PACRG: variants seen among roughly 807,000 people sequenced by gnomAD.
PACRG encodes parkin coregulated gene protein.
In PACRG, 29 loss-of-function variants were observed where a neutral mutation model predicts 29.7. That is an observed-to-expected ratio of 0.98 (90% CI 0.73 to 1.33). The LOEUF is 1.33. Among genes scored for constraint, PACRG ranks in the 40% most tolerant of loss-of-function variants. The pLI, the probability that PACRG is intolerant of heterozygous loss-of-function variation, is 0.00. For missense variants in PACRG, 279 were observed against 316.2 expected (o/e 0.88, Z 0.89); for synonymous variants, 116 against 118.7 (o/e 0.98, Z 0.15).
At chr6:162,842,803 A>G (rs1454660946) in intron 2 of PACRG, among the ~76,000 whole-genome samples, 1 of 121,464 alleles carries the variant, frequency 8.2e-6, no homozygotes. Flanking sequence ...TGGTGACAAA[A>G]TCTCTCAGCA....
Position 163,125,527 on chromosome 6 carries a change from TA to T in PACRG, c.613+36120del, listed in dbSNP as rs1816480818. 3.3e-5 allele frequency among the ~76,000 whole-genome samples: 5 copies of T among 152,286 alleles called. 1 individual carries two copies. The South Asian group carries it at 1.0e-3, about 32-fold the overall frequency. On this transcript the variant is annotated intron_variant, in intron 4 of 4. Transcript: ENST00000366888. Reference sequence around the variant, plus strand: ...ACAGTAAAGGCTTAATGCCCAGACCTATGAAAGACCCCTAAATAGCTATAAG... The same window carrying T: ...ACAGTAAAGGCTTAATGCCCAGACCTTGAAAGACCCCTAAATAGCTATAAG...
intron 4 of PACRG, among the ~76,000 whole-genome samples, chr6:163,203,132 G>A (rs1276870876): frequency 6.6e-6 from 1 of 152,068 alleles, no homozygotes; most frequent in Non-Finnish European, 1.5e-5. Context: ...CAGGCACGGC[G>A]GCTCACACCT....
chr6:163,283,193 T>C lies in PACRG; in HGVS notation c.614-31634T>C, dbSNP rs573357439. Among the ~76,000 whole-genome samples, 4 of 152,364 alleles carry C rather than the reference T, an allele frequency of 2.6e-5. No homozygotes were observed. In the East Asian group the frequency reaches 7.7e-4, roughly 29 times the overall value. ...TTTATAAATGTGGGTGATGTGAATG[T>C]AAAGAGACAGACATGACCTTTCCTG... is the stretch of plus-strand genomic sequence containing the variant. On this transcript the variant is annotated intron_variant, in intron 4 of 4. Coordinates refer to ENST00000366888, the MANE Select transcript of PACRG (RefSeq NM_001080379.2).
chr6:162,953,278 ATTAT>A (rs1799790403), intron 2 of PACRG, among the ~76,000 whole-genome samples: 1 of 152,168 alleles, frequency 6.6e-6, no homozygotes, highest in African/African-American at 2.4e-5. Flanking sequence ...AGCAATCTGT[ATTAT>A]TTAATATTTT....
chr6:163,022,061 G>C (rs950188380), intron 2 of PACRG, among the ~76,000 whole-genome samples: 14 of 152,178 alleles, frequency 9.2e-5, no homozygotes, highest in African/African-American at 3.4e-4. Context: ...GTGGTCTTCG[G>C]CCACACACAT....
At chr6:162,837,908 T>C (rs943232580) in intron 2 of PACRG, among the ~76,000 whole-genome samples, 12 of 152,128 alleles carry the variant, frequency 7.9e-5, no homozygotes, top group Admixed American at 6.6e-5. Context: ...AAATAAATTA[T>C]AGGTGATTTT....
chr6:162,815,789 G>C (rs189190555), intron 2 of PACRG, among the ~76,000 whole-genome samples: 386 of 152,140 alleles, frequency 2.5e-3, no homozygotes, highest in Non-Finnish European at 4.2e-3. Flanking sequence ...GCCTGTCTAT[G>C]TACTGGCTCA....
rs375503023 is a variant in PACRG at position 162,803,196 on chromosome 6, G to T, written c.157-10951G>T. Among the ~76,000 whole-genome samples, 16 of 152,280 alleles carry T rather than the reference G, an allele frequency of 1.1e-4. No homozygotes were observed. The East Asian group carries it at 3.1e-3, about 29-fold the overall frequency. On this transcript the variant is annotated intron_variant, in intron 1 of 4. Coordinates refer to ENST00000366888, the MANE Select transcript of PACRG (RefSeq NM_001080379.2). ...GTGCTGAGTCTTGAAGGTGATTAAT[G>T]GTTATTCAGGAGAAAAGGAAGGAGA...
Position 163,061,360 on chromosome 6 carries a change from A to G in PACRG, c.292-790A>G, listed in dbSNP as rs117205373. Among the ~76,000 whole-genome samples the G allele has an allele frequency of 2.7e-3, 409 of 152,214 alleles. 2 individuals are homozygous for G. The highest frequency in any genetic ancestry group is 4.5e-3 in the Non-Finnish European group (307 of 68,018). ...ACAGGTAGATGATTCCCAACTCACA[A>G]TCTCTTTTCTCAACCCCAGAGTTTT... is the stretch of plus-strand genomic sequence containing the variant. On this transcript the variant is annotated intron_variant, in intron 2 of 4. Coordinates refer to ENST00000366888, the MANE Select transcript of PACRG (RefSeq NM_001080379.2).
chr6:162,813,817 T>C (rs1413038240), intron 1 of PACRG, among the ~76,000 whole-genome samples: 1 of 152,160 alleles, frequency 6.6e-6, no homozygotes. Flanking sequence ...AGTTTTAACA[T>C]TCTAAGCGTA....
chr6:162,740,811 GGATGGTCTTGATCTCCT>G (rs1780532374), intron 1 of PACRG, among the ~76,000 whole-genome samples: 1 of 151,940 alleles, frequency 6.6e-6, no homozygotes, highest in Non-Finnish European at 1.5e-5. Flanking sequence ...ATGTTAGCCA[GGATGGTCTTGATCTCCT>G]GACCTCATGA....
At chr6:163,068,482 C>CTTTTT (rs1554350061) in intron 3 of PACRG, among the ~76,000 whole-genome samples, 65 of 132,850 alleles carry the variant, frequency 4.9e-4, no homozygotes, top group African/African-American at 1.7e-3. Context: ...TACTTTAATG[C>CTTTTT]TTTTTTTTTT....
intron 2 of PACRG, among the ~76,000 whole-genome samples, chr6:163,017,909 G>A (rs4709671): frequency 0.62 from 93,586 of 151,826 alleles, 30,437 homozygotes; most frequent in East Asian, 0.96. Flanking sequence ...ATGTGACACT[G>A]TATTTAGTGT....
intron 2 of PACRG, among the ~76,000 whole-genome samples, chr6:162,909,329 G>T (rs1189356439): frequency 6.6e-6 from 1 of 152,032 alleles, no homozygotes; most frequent in Non-Finnish European, 1.5e-5. Context: ...GCCGACGTGG[G>T]CGAATCAAGA....
intron 4 of PACRG, among the ~76,000 whole-genome samples, chr6:163,230,925 C>G (rs950722253): frequency 5.9e-5 from 9 of 152,202 alleles, no homozygotes; most frequent in Non-Finnish European, 1.2e-4. Flanking sequence ...CCAGTAATTA[C>G]AGCCTCGTGA....
intron 4 of PACRG, among the ~76,000 whole-genome samples, chr6:163,194,794 C>T (rs1307855208): frequency 2.0e-5 from 3 of 152,174 alleles, no homozygotes; most frequent in Non-Finnish European, 1.5e-5. Flanking sequence ...AGGAATGGGG[C>T]TGCCTGTTGA....
intron 4 of PACRG, among the ~76,000 whole-genome samples, chr6:163,097,948 C>T (rs1562912240): frequency 1.3e-5 from 2 of 152,142 alleles, no homozygotes. Flanking sequence ...ATAGACACAA[C>T]TTTCTCCCCA....
chr6:163,171,047 T>C (rs943804174), intron 4 of PACRG: 23 of 152,260 alleles, frequency 1.5e-4, no homozygotes, highest in African/African-American at 5.3e-4. Context: ...CATCAACTCA[T>C]AGTAAACTTT....
In PACRG at chr6:162,739,292, T is replaced by C. The variant is rs146188623; in HGVS notation, c.156+10901T>C. ...TTATAGGAGTTTTATCATGTAGATT[T>C]CTTCCTCTTTAGTGTGCATATTCAT... is the stretch of plus-strand genomic sequence containing the variant. On this transcript the variant is annotated intron_variant, in intron 1 of 4. Transcript: ENST00000366888. Among the ~76,000 whole-genome samples, 200 of 152,304 alleles carry C rather than the reference T, an allele frequency of 1.3e-3. 1 individual carries two copies. Among genetic ancestry groups the C allele is most frequent in the African/African-American group, 4.5e-3 (187 of 41,572 alleles).
Sources: gnomAD v4.1 joint callset for allele counts (sites outside exome capture counted in the v4.1 genomes callset) on GRCh38, gnomAD v4.1.1 for gene constraint, MANE v1.5 for transcripts, NCBI Gene and HGNC (gene_info 2026-07-23, HGNC 2026-07-21) for gene names.